CPNE8: variants seen among roughly 807,000 people sequenced by gnomAD.
The protein encoded by CPNE8 is copine-8.
Under a neutral mutation model 81.5 loss-of-function variants are expected in CPNE8, and 45 were observed. That is an observed-to-expected ratio of 0.55 (90% CI 0.44 to 0.71). CPNE8 has a LOEUF of 0.71. Ranked by LOEUF, CPNE8 falls within the 30% of genes least tolerant of loss-of-function variation. CPNE8 has a pLI of 0.00. For synonymous variants in CPNE8, 252 were observed against 226.3 expected (o/e 1.11, Z -1.02); for missense variants, 594 against 672.1 (o/e 0.88, Z 1.28).
intron 6 of CPNE8, among the ~76,000 whole-genome samples, chr12:38,800,449 G>C (rs1301994200): frequency 4.9e-5 from 2 of 40,766 alleles, no homozygotes; most frequent in Non-Finnish European, 1.5e-4. Flanking sequence ...TGAGGGTCCT[G>C]TCTGTTAGAA....
In CPNE8 at chr12:38,767,734, G is replaced by A; in HGVS notation, c.476C>T (p.Ala159Val). The A allele has an allele frequency of 1.3e-6, 2 of 1,535,868 alleles. No homozygotes were observed. The highest frequency in any genetic ancestry group is 2.5e-5 in the East Asian group (1 of 40,094). Residue 159 changes from alanine (A) to valine (V), a missense_variant, in exon 8 of 20, where the codon GCC becomes GTC. By Grantham distance (64) the Ala-to-Val change is moderately conservative. Transcript: ENST00000331366. ...GTTCGCACAAAATTGCATCAAAACG[G>A]CATCCTAAAAACAAAATTAATAAAA... ...TAEELNCCRDAVLMQFCANKL... is the reference protein window; with the variant it reads ...TAEELNCCRDVVLMQFCANKL...
At chr12:38,675,662 G>T in intron 18 of CPNE8, 55 bp downstream of exon 18, 1 of 1,117,848 alleles carries the variant, frequency 8.9e-7, no homozygotes, top group Non-Finnish European at 1.4e-6. Flanking sequence ...CCAAGAGCAT[G>T]TTACATTAGA....
intron 6 of CPNE8, among the ~76,000 whole-genome samples, chr12:38,811,447 A>G (rs1306024823): frequency 6.6e-6 from 1 of 152,220 alleles, no homozygotes; most frequent in East Asian, 1.9e-4. Flanking sequence ...GGTTCTCACA[A>G]ATTATTTTAA....
chr12:38,858,124 C>T (rs1200894464), intron 3 of CPNE8, among the ~76,000 whole-genome samples: 1 of 152,166 alleles, frequency 6.6e-6, no homozygotes, highest in African/African-American at 2.4e-5. Flanking sequence ...ATCGAAATAA[C>T]TTGCACCTCT....
In CPNE8 at chr12:38,808,880, TAAAC is replaced by T. The variant is rs141666162; in HGVS notation, c.407+20495_407+20498del. On this transcript the variant is annotated intron_variant, in intron 6 of 19. Coordinates refer to ENST00000331366, the MANE Select transcript of CPNE8 (RefSeq NM_153634.3). ...TAAACAAATATTTTATAGAATATGA[TAAAC>T]AAGCAATAAATATGTAGATTTCAAG... Among the ~76,000 whole-genome samples, 1,495 of 152,142 alleles carry T rather than the reference TAAAC, an allele frequency of 9.8e-3. 27 individuals carry two copies. Among genetic ancestry groups the T allele is most frequent in the African/African-American group, 0.034 (1,426 of 41,544 alleles).
chr12:38,756,035 G>C (rs1941451398), intron 10 of CPNE8, among the ~76,000 whole-genome samples: 1 of 11,894 alleles, frequency 8.4e-5, no homozygotes, highest in Non-Finnish European at 3.1e-3. Flanking sequence ...GCGAGACTCC[G>C]TCTCAAAAAA....
intron 6 of CPNE8, among the ~76,000 whole-genome samples, chr12:38,801,120 A>G (rs11559978): frequency 0.1 from 9,421 of 92,972 alleles, 572 homozygotes; most frequent in East Asian, 0.31. Context: ...CAATCTAGCA[A>G]GGCAGGCCAA....
upstream of CPNE8, chr12:38,906,155 C>T: frequency 1.0e-6 from 1 of 985,798 alleles, no homozygotes; most frequent in Non-Finnish European, 1.2e-6. Context: ...GCCCTCGGAG[C>T]TCTTGGGAGA....
intron 1 of CPNE8, among the ~76,000 whole-genome samples, chr12:38,897,121 C>T (rs1390594901): frequency 6.6e-6 from 1 of 152,130 alleles, no homozygotes; most frequent in Non-Finnish European, 1.5e-5. Flanking sequence ...GATTTAAAGA[C>T]ATCTGTCTGA....
chr12:38,671,993 T>C (rs1017319477), intron 18 of CPNE8, among the ~76,000 whole-genome samples: 1 of 152,176 alleles, frequency 6.6e-6, no homozygotes, highest in Admixed American at 6.6e-5. Context: ...TTCTTGGATA[T>C]GTAAATATAA....
chr12:38,792,267 A>G (rs1461414143), intron 6 of CPNE8, among the ~76,000 whole-genome samples: 4 of 150,626 alleles, frequency 2.7e-5, no homozygotes, highest in Admixed American at 1.3e-4. Flanking sequence ...AGAATACAAA[A>G]ACATTACAAA....
At chr12:38,833,365 A>G (rs1409957990) in intron 5 of CPNE8, among the ~76,000 whole-genome samples, 1 of 151,352 alleles carries the variant, frequency 6.6e-6, no homozygotes, top group Non-Finnish European at 1.5e-5. Context: ...AAAAAAAAAA[A>G]AAAAAAAGAA....
intron 14 of CPNE8, 82 bp from the exon 15 acceptor site, chr12:38,693,920 A>C: frequency 1.8e-6 from 2 of 1,135,030 alleles, no homozygotes; most frequent in Non-Finnish European, 2.5e-6. Flanking sequence ...CTATTTCAGA[A>C]TGAAATATTC....
intron 14 of CPNE8, among the ~76,000 whole-genome samples, chr12:38,694,485 A>C (rs1380254030): frequency 6.6e-6 from 1 of 152,176 alleles, no homozygotes; most frequent in African/African-American, 2.4e-5. Flanking sequence ...CGGAGGACAA[A>C]ATGAGATTAC....
intron 15 of CPNE8, among the ~76,000 whole-genome samples, chr12:38,692,669 AT>A (rs1458156431): frequency 6.6e-6 from 1 of 152,202 alleles, no homozygotes; most frequent in African/African-American, 2.4e-5. Context: ...GAAACATTCA[AT>A]GGTGAGAAGA....
intron 16 of CPNE8, 151 bp downstream of exon 16, chr12:38,685,339 A>T (rs1390142964): frequency 1.3e-5 from 9 of 688,010 alleles, no homozygotes; most frequent in Non-Finnish European, 1.6e-5. Context: ...CGTTTGATAG[A>T]GACTCTTTCT....
In CPNE8 at chr12:38,652,550, T is replaced by C. The variant is rs1248503413; in HGVS notation, c.*1332A>G. The C allele has an allele frequency of 1.3e-5, 2 of 152,464 alleles. No individual in the cohort carries two copies. The highest frequency in any genetic ancestry group is 4.8e-5 in the African/African-American group (2 of 41,442). The allele number at this position is 152,464 out of a possible 1,614,324, so 9.4% of individuals were successfully genotyped here. On this transcript the variant is annotated 3_prime_UTR_variant, in exon 20 of 20. Coordinates refer to ENST00000331366, the MANE Select transcript of CPNE8 (RefSeq NM_153634.3). ...CAGTAGAAATAAACCAAGTATTAAA[T>C]AGAATATATAGGTAAGGAAAAAATA...
chr12:38,727,867 G>A (rs1394951239), intron 11 of CPNE8, among the ~76,000 whole-genome samples: 2 of 152,126 alleles, frequency 1.3e-5, no homozygotes, highest in Non-Finnish European at 2.9e-5. Flanking sequence ...TCTTATCTCC[G>A]TCCAACCTCA....
At chr12:38,659,312 C>T (rs957494769) in intron 19 of CPNE8, among the ~76,000 whole-genome samples, 9 of 151,852 alleles carry the variant, frequency 5.9e-5, no homozygotes, top group South Asian at 2.1e-4. Flanking sequence ...AAGGCCATTA[C>T]ATAATGGTAA....
Sources: allele counts gnomAD v4.1 joint callset (sites outside exome capture counted in the v4.1 genomes callset), GRCh38; gene constraint gnomAD v4.1.1; transcripts MANE v1.5; gene names NCBI Gene and HGNC (gene_info 2026-07-23, HGNC 2026-07-21).